Variants in GRIK1 observed in about 807,000 individuals in gnomAD.
GRIK1 encodes glutamate receptor ionotropic, kainate 1.
Under a neutral mutation model 105.7 loss-of-function variants are expected in GRIK1, and 69 were observed. The ratio of observed to expected loss-of-function variants is 0.65; its 90% CI spans 0.54 to 0.80. The LOEUF is 0.80. GRIK1 is among the 30% of genes least tolerant of loss of function. The pLI is 0.00. For missense variants in GRIK1, 1,109 were observed against 1,167.3 expected, an observed-to-expected ratio of 0.95 and a Z score of 0.73; for synonymous variants, 438 against 431.3, an observed-to-expected ratio of 1.02 and a Z score of -0.19.
At chr21:29,683,094 C>T (rs1388098587) in intron 3 of GRIK1, among the ~76,000 whole-genome samples, 1 of 152,170 alleles carries the variant, frequency 6.6e-6, no homozygotes, top group African/African-American at 2.4e-5. Flanking sequence ...CATCTCACAC[C>T]AGTCACAATG....
intron 4 of GRIK1, among the ~76,000 whole-genome samples, chr21:29,671,580 A>G (rs898816043): frequency 2.0e-5 from 3 of 152,078 alleles, no homozygotes; most frequent in Non-Finnish European, 4.4e-5. Context: ...TGATTATTTG[A>G]AGAGAGCTCT....
In GRIK1 at chr21:29,869,189, C is replaced by G. The variant is rs150762680; in HGVS notation, c.118+70194G>C. Among the ~76,000 whole-genome samples the G allele has an allele frequency of 1.1e-3, 164 of 152,242 alleles. 1 individual carries two copies. Among genetic ancestry groups the G allele is most frequent in the African/African-American group, 3.8e-3 (157 of 41,562 alleles). On this transcript the variant is annotated intron_variant, in intron 1 of 17. Transcript: ENST00000327783. The stretch of plus-strand genomic sequence containing the variant: ...CCGACTCCTGAGTCCACTAAAGTTT[C>G]TCTACAAATAAATATTTTTACTGGT...
intron 12 of GRIK1, 71 bp from the exon 13 acceptor site, chr21:29,581,614 G>T: frequency 1.2e-6 from 1 of 810,338 alleles, no homozygotes; most frequent in African/African-American, 1.7e-5. Flanking sequence ...ACCAAAACCT[G>T]CTGAGCAATG....
At chr21:29,736,868 G>A (rs573966776) in intron 1 of GRIK1, among the ~76,000 whole-genome samples, 18 of 151,138 alleles carry the variant, frequency 1.2e-4, no homozygotes, top group South Asian at 2.1e-4. Context: ...TAGTAGAGAC[G>A]GGGTTTCACC....
intron 1 of GRIK1, among the ~76,000 whole-genome samples, chr21:29,753,534 T>C (rs2065258774): frequency 6.6e-6 from 1 of 152,222 alleles, no homozygotes; most frequent in African/African-American, 2.4e-5. Context: ...TTCATATTAC[T>C]GTTAGCTACC....
intron 1 of GRIK1, among the ~76,000 whole-genome samples, chr21:29,710,483 C>T (rs1163945454): frequency 6.6e-6 from 1 of 151,986 alleles, no homozygotes; most frequent in African/African-American, 2.4e-5. Flanking sequence ...GCTCTGAATG[C>T]TTCTGTCAAG....
chr21:29,836,713 C>T (rs576464860), intron 1 of GRIK1, among the ~76,000 whole-genome samples: 1 of 152,274 alleles, frequency 6.6e-6, no homozygotes, highest in East Asian at 1.9e-4. Flanking sequence ...GCCCACAAAT[C>T]TCACATCATG....
chr21:29,697,360 C>T (rs1241536157), intron 1 of GRIK1, among the ~76,000 whole-genome samples: 5 of 152,168 alleles, frequency 3.3e-5, no homozygotes, highest in Non-Finnish European at 7.3e-5. Flanking sequence ...TATTCTTTTG[C>T]TATGTAGTTG....
At chr21:29,795,285 C>T (rs918777010) in intron 1 of GRIK1, among the ~76,000 whole-genome samples, 9 of 152,066 alleles carry the variant, frequency 5.9e-5, no homozygotes, top group Admixed American at 2.6e-4. Flanking sequence ...TTCCGCCTGC[C>T]TTGGCCTCTG....
intron 14 of GRIK1, among the ~76,000 whole-genome samples, chr21:29,567,246 T>G (rs562495400): frequency 7.9e-4 from 121 of 152,324 alleles, no homozygotes; most frequent in Middle Eastern, 3.4e-3. Context: ...GTAAATAAAA[T>G]ATGTGCAAAT....
chr21:29,784,815 TA>T (rs2145794493), intron 1 of GRIK1, among the ~76,000 whole-genome samples: 1 of 152,310 alleles, frequency 6.6e-6, no homozygotes, highest in East Asian at 1.9e-4. Flanking sequence ...TTTAGTAAAT[TA>T]AGGTGTAATA....
At chr21:29,882,387 G>T (rs1244173804) in intron 1 of GRIK1, among the ~76,000 whole-genome samples, 1 of 151,934 alleles carries the variant, frequency 6.6e-6, no homozygotes, top group East Asian at 1.9e-4. Context: ...TTTCCTTCTG[G>T]TTTATTCCCT....
chr21:29,648,151 T>C (rs910877353), intron 6 of GRIK1, among the ~76,000 whole-genome samples: 5 of 152,228 alleles, frequency 3.3e-5, no homozygotes, highest in African/African-American at 9.6e-5. Context: ...TCAAAACACA[T>C]GCATTTTCCT....
chr21:29,850,136 C>T (rs573763943), intron 1 of GRIK1, among the ~76,000 whole-genome samples: 110 of 152,318 alleles, frequency 7.2e-4, no homozygotes, highest in Non-Finnish European at 1.4e-3. Context: ...ATCTTCCTTA[C>T]TGCATTAACA....
chr21:29,634,118 CCAAA>C (rs1304732134), intron 7 of GRIK1, among the ~76,000 whole-genome samples: 5 of 152,154 alleles, frequency 3.3e-5, no homozygotes, highest in African/African-American at 9.7e-5. Context: ...AACCAACCAA[CCAAA>C]CAAACAAAAA....
chr21:29,760,154 T>C (rs372787627), intron 1 of GRIK1: 1 of 152,262 alleles, frequency 6.6e-6, no homozygotes, highest in African/African-American at 2.4e-5. Context: ...TACCTGTTTC[T>C]TCCTAACATG....
intron 1 of GRIK1, among the ~76,000 whole-genome samples, chr21:29,753,692 C>G (rs1400054296): frequency 6.6e-6 from 1 of 152,112 alleles, no homozygotes; most frequent in Non-Finnish European, 1.5e-5. Context: ...TAAAAGTTAC[C>G]TTTAAAATCA....
intron 1 of GRIK1, among the ~76,000 whole-genome samples, chr21:29,743,362 G>C (rs1375941461): frequency 2.0e-5 from 3 of 152,180 alleles, no homozygotes; most frequent in African/African-American, 7.2e-5. Flanking sequence ...AGGGTGGACA[G>C]ACATGGGAGT....
intron 16 of GRIK1, among the ~76,000 whole-genome samples, chr21:29,545,275 G>C (rs1465906984): frequency 2.0e-5 from 3 of 152,174 alleles, no homozygotes; most frequent in African/African-American, 7.2e-5. Flanking sequence ...AGCTCTTCTT[G>C]CTTAAAAGTG....
Sources: gnomAD v4.1 joint callset for allele counts (sites outside exome capture counted in the v4.1 genomes callset) on GRCh38, gnomAD v4.1.1 for gene constraint, MANE v1.5 for transcripts, NCBI Gene and HGNC (gene_info 2026-07-23, HGNC 2026-07-21) for gene names.